The following PGGT1B variants were observed in gnomAD, a reference collection of about 807,000 sequenced individuals.
PGGT1B encodes the protein geranylgeranyl transferase type-1 subunit beta.
PGGT1B carries 30 observed loss-of-function variants against 46.1 expected under a neutral mutation model. The observed-to-expected ratio is 0.65, with a 90% confidence interval of 0.49 to 0.88. The LOEUF (loss-of-function observed/expected upper bound fraction) is 0.88. Ranked by LOEUF, PGGT1B falls within the 40% of genes least tolerant of loss-of-function variation. PGGT1B has a pLI of 0.00. For missense variants in PGGT1B, 376 were observed against 455.9 expected, an observed-to-expected ratio of 0.82 and a Z score of 1.60; for synonymous variants, 170 against 160.0, an observed-to-expected ratio of 1.06 and a Z score of -0.47.
chr5:115,257,050 A>G (rs570037044), intron 1 of PGGT1B, among the ~76,000 whole-genome samples: 7 of 152,250 alleles, frequency 4.6e-5, no homozygotes, highest in Admixed American at 4.6e-4. Context: ...ACTCTGAACA[A>G]TATGTATAAG....
At chr5:115,247,505 G>C (rs1271052639) in intron 2 of PGGT1B, among the ~76,000 whole-genome samples, 1 of 152,042 alleles carries the variant, frequency 6.6e-6, no homozygotes, top group African/African-American at 2.4e-5. Flanking sequence ...TTCAAGTGAG[G>C]AATGTGGCTA....
At chr5:115,262,245 C>T (rs567964670) in intron 1 of PGGT1B, among the ~76,000 whole-genome samples, 10 of 152,274 alleles carry the variant, frequency 6.6e-5, no homozygotes, top group African/African-American at 2.2e-4. Context: ...TTTATAGTTC[C>T]CACAAAGTTT....
chr5:115,224,696 C>A (rs1320569216), intron 6 of PGGT1B, among the ~76,000 whole-genome samples: 1 of 151,702 alleles, frequency 6.6e-6, no homozygotes, highest in East Asian at 1.9e-4. Flanking sequence ...ATAAGGAGAC[C>A]CTGTCTCTAC....
At chr5:115,262,544 C>T (rs1243601424) in intron 1 of PGGT1B, 168 bp downstream of exon 1, 3 of 709,922 alleles carry the variant, frequency 4.2e-6, no homozygotes, top group Admixed American at 2.9e-5. Flanking sequence ...ACCTTCCCAC[C>T]GTACGGCGGG....
rs955754464 is a variant in PGGT1B, at chr5:115,207,176, CATACATATATATATATAT to C, written c.*5208_*5225del. 3 of 30,106 alleles carry C rather than the reference CATACATATATATATATAT, an allele frequency of 1.0e-4. No homozygotes were observed. The highest frequency in any genetic ancestry group is 3.8e-4 in the African/African-American group (2 of 5,290). 1.9% of individuals were successfully genotyped at this position (30,106 alleles called of 1,614,324 possible). A position where few individuals can be genotyped will look rare whatever the true frequency, so the allele number is the denominator to read the frequency against. Reference sequence around the variant, plus strand: ...TCTAACTAGTTTAGGTTTGCATATACATACATATATATATATATATATATATATATAGTCTTGTTACTC... The same window carrying C: ...TCTAACTAGTTTAGGTTTGCATATACATATATATATATAGTCTTGTTACTC... On this transcript the variant is annotated 3_prime_UTR_variant, in exon 9 of 9. Transcript: ENST00000419445.
chr5:115,230,676 G>T (rs187456025), intron 6 of PGGT1B, among the ~76,000 whole-genome samples: 1 of 152,180 alleles, frequency 6.6e-6, no homozygotes, highest in East Asian at 1.9e-4. Context: ...AAAACCTGTT[G>T]TTTTCTAATG....
intron 2 of PGGT1B, 124 bp downstream of exon 2, chr5:115,253,013 C>T (rs967512686): frequency 1.2e-6 from 1 of 829,932 alleles, no homozygotes. Context: ...TGCTGCATTA[C>T]AACAAAATCA....
chr5:115,234,376 T>TA (rs988998937), intron 5 of PGGT1B, among the ~76,000 whole-genome samples: 3 of 151,866 alleles, frequency 2.0e-5, no homozygotes, highest in African/African-American at 7.2e-5. Context: ...GTATGGGAGT[T>TA]AAGAAGAGGG....
At chr5:115,246,280 C>T (rs1259630565) in intron 2 of PGGT1B, among the ~76,000 whole-genome samples, 5 of 151,144 alleles carry the variant, frequency 3.3e-5, no homozygotes, top group African/African-American at 9.7e-5. Flanking sequence ...TGCTTGAACC[C>T]GGGAGGTGGA....
chr5:115,253,033 A>G (rs1224039232), intron 2 of PGGT1B, 104 bp downstream of exon 2: 7 of 962,770 alleles, frequency 7.3e-6, no homozygotes, highest in South Asian at 1.6e-5. Flanking sequence ...ACAGATAAAT[A>G]AAATATGTTA....
At position 115,242,483 on chromosome 5, in the gene PGGT1B, C is replaced by T. The variant is rs1475647773; in HGVS notation, c.260-877G>A. On this transcript the variant is annotated intron_variant, in intron 2 of 8. Coordinates refer to ENST00000419445, the MANE Select transcript of PGGT1B (RefSeq NM_005023.4). ...ATAAGAGATTATGACTAGTGTATGA[C>T]TAACTTCATTATTAACTGTTTTCAC... is the stretch of plus-strand genomic sequence containing the variant. Among the ~76,000 whole-genome samples, 5 of 152,242 alleles carry T rather than the reference C, an allele frequency of 3.3e-5. No individual in the cohort carries two copies. The East Asian group carries it at 7.7e-4, about 24-fold the overall frequency.
rs181601005 is a variant in PGGT1B, at chr5:115,228,781, G to A, written c.658+2195C>T. Among the ~76,000 whole-genome samples the A allele has an allele frequency of 2.7e-3, 406 of 152,208 alleles. 1 individual carries two copies. Among genetic ancestry groups the A allele is most frequent in the Middle Eastern group, 6.8e-3 (2 of 294 alleles). ...GGAAGTAGGACAAGTGGAATGTGAC[G>A]TTTTAAGAAAGAAGTGGGGAGGTTA... On this transcript the variant is annotated intron_variant, in intron 6 of 8. Transcript: ENST00000419445.
intron 3 of PGGT1B, among the ~76,000 whole-genome samples, chr5:115,240,380 T>C (rs1190964978): frequency 6.6e-6 from 1 of 152,190 alleles, no homozygotes; most frequent in African/African-American, 2.4e-5. Context: ...TATAGTATAG[T>C]ACTATATAAC....
rs1050163172 is a variant in PGGT1B at position 115,205,462 on chromosome 5, G to T, written c.*6940C>A. ...GAACAAACATGGAAAAACATGGAAA[G>T]AAGAGGGTGGAGAATGATCACCTCA... is the stretch of plus-strand genomic sequence containing the variant. On this transcript the variant is annotated 3_prime_UTR_variant, in exon 9 of 9. Coordinates refer to ENST00000419445, the MANE Select transcript of PGGT1B (RefSeq NM_005023.4). 6.6e-6 allele frequency: 1 copy of T among 151,838 alleles called. No individual in the cohort carries two copies. The highest frequency in any genetic ancestry group is 2.4e-5 in the African/African-American group (1 of 41,382). 9.4% of individuals were successfully genotyped at this position (151,838 alleles called of 1,614,324 possible).
intron 5 of PGGT1B, among the ~76,000 whole-genome samples, chr5:115,233,196 A>G (rs1170416658): frequency 6.6e-6 from 1 of 151,988 alleles, no homozygotes; most frequent in East Asian, 1.9e-4. Context: ...GAAAACTGTA[A>G]TGTAGCACTC....
At chr5:115,212,982 T>C (rs948238176) in intron 8 of PGGT1B, among the ~76,000 whole-genome samples, 6 of 152,138 alleles carry the variant, frequency 3.9e-5, no homozygotes, top group Non-Finnish European at 8.8e-5. Context: ...TTTTTTTTTC[T>C]TTAAAACGAA....
chr5:115,218,994 G>A (rs535047101), intron 7 of PGGT1B, among the ~76,000 whole-genome samples: 29 of 151,980 alleles, frequency 1.9e-4, no homozygotes, highest in African/African-American at 6.3e-4. Context: ...CTCATGGATA[G>A]GAACACTCAA....
chr5:115,226,794 AT>A lies in PGGT1B; in HGVS notation c.658+4181del, dbSNP rs568784075. On this transcript the variant is annotated intron_variant, in intron 6 of 8. Transcript: ENST00000419445. ...ACCATAAAAATGGCATGAATGAAGT[AT>A]TATGGGAATACAGAAAAGGGAAATT... 2.9e-3 allele frequency among the ~76,000 whole-genome samples: 435 copies of A among 152,206 alleles called. 6 individuals carry two copies. Among genetic ancestry groups the A allele is most frequent in the African/African-American group, 9.9e-3 (411 of 41,546 alleles).
rs1756029276 is a variant in PGGT1B, at chr5:115,205,277, A to G, written c.*7125T>C. The G allele has an allele frequency of 6.6e-6, 1 of 152,148 alleles. No homozygotes were observed. The highest frequency in any genetic ancestry group is 1.5e-5 in the Non-Finnish European group (1 of 68,006). The allele number at this position is 152,148 out of a possible 1,614,324, so 9.4% of individuals were successfully genotyped here. ...CTTTTTGACTCACAAGTAGATGCAA[A>G]CATACATGAGTGAGGTCCCATGTAC... On this transcript the variant is annotated 3_prime_UTR_variant, in exon 9 of 9. Transcript: ENST00000419445.
Sources: allele counts gnomAD v4.1 joint callset (sites outside exome capture counted in the v4.1 genomes callset), GRCh38; gene constraint gnomAD v4.1.1; transcripts MANE v1.5; gene names NCBI Gene and HGNC (gene_info 2026-07-23, HGNC 2026-07-21).